Variants in BRMS1 observed in about 807,000 individuals in gnomAD.
The protein encoded by BRMS1 is breast cancer metastasis-suppressor 1.
In BRMS1, 26 loss-of-function variants were observed where a neutral mutation model predicts 40.4. The ratio of observed to expected loss-of-function variants is 0.64; its 90% CI spans 0.47 to 0.89. The LOEUF is 0.89. BRMS1 is among the 40% of genes least tolerant of loss of function. BRMS1 has a pLI of 0.00. For missense variants in BRMS1, 289 were observed against 309.4 expected (o/e 0.93, Z 0.49); for synonymous variants, 103 against 116.0 (o/e 0.89, Z 0.72).
chr11:66,341,638 C>A lies in BRMS1; in HGVS notation c.140-15G>T. 6.2e-7 allele frequency: 1 copy of A among 1,612,240 alleles called. No individual in the cohort carries two copies. Among genetic ancestry groups the A allele is most frequent in the Non-Finnish European group, 8.5e-7 (1 of 1,178,534 alleles). ...ATCATCCATCTCTGGGACAAGAGGC[C>A]AGTAAGGGCTAGCTCTGGGGAGGAG... On this transcript the variant is annotated splice_polypyrimidine_tract_variant and intron_variant, in intron 2 of 9. Coordinates refer to ENST00000359957, the MANE Select transcript of BRMS1 (RefSeq NM_015399.4). This position sits in a 1 kb window ranked among gnomAD's most constrained non-coding sequence, Gnocchi z 4.9.
At chr11:66,343,835 G>A (rs1453942459) in intron 1 of BRMS1, among the ~76,000 whole-genome samples, 1 of 138,406 alleles carries the variant, frequency 7.2e-6, no homozygotes, top group Non-Finnish European at 1.6e-5. Context: ...CCCTACAAAG[G>A]AGGAGGCAAA....
intron 8 of BRMS1, 48 bp downstream of exon 8, chr11:66,338,673 G>C (rs766794242): frequency 3.1e-6 from 5 of 1,613,036 alleles, no homozygotes. Context: ...CTGCCAGGGT[G>C]GGGGGCCCTG....
At position 66,341,757 on chromosome 11, in the gene BRMS1, C is replaced by G; in HGVS notation, c.140-134G>C. On this transcript the variant is annotated intron_variant, in intron 2 of 9. Transcript: ENST00000359957. This position sits in a 1 kb window ranked among gnomAD's most constrained non-coding sequence, Gnocchi z 4.9. ...GCCTGTGTGTGTGTGCGCGTACATG[C>G]TTGTGTGAAGGGGCTGTGTGTGTGC... is the stretch of plus-strand genomic sequence containing the variant. 1 of 802,134 alleles carries G rather than the reference C, an allele frequency of 1.2e-6. No individual in the cohort carries two copies. Among genetic ancestry groups the G allele is most frequent in the South Asian group, 1.4e-5 (1 of 69,908 alleles). The allele number at this position is 802,134 out of a possible 1,614,324, so 49.7% of individuals were successfully genotyped here.
At chr11:66,338,002 C>T (rs1259682609) in intron 9 of BRMS1, 113 bp from the exon 10 acceptor site, 1 of 1,280,806 alleles carries the variant, frequency 7.8e-7, no homozygotes, top group Non-Finnish European at 1.1e-6. Context: ...CTGGGCAGCT[C>T]CACAGCCCTC....
In BRMS1 at chr11:66,341,443, T is replaced by A; in HGVS notation, c.230+90A>T. ...AGCCCGGTGTTAGGCGCGCACTTCC[T>A]GGGCACCAACCACGCCTGCCCAGTA... On this transcript the variant is annotated intron_variant, in intron 3 of 9. Transcript: ENST00000359957. The surrounding 1 kb of genome is among the most constrained non-coding windows in gnomAD (Gnocchi z 4.9). 6.2e-7 allele frequency: 1 copy of A among 1,603,544 alleles called. No individual in the cohort carries two copies. Among genetic ancestry groups the A allele is most frequent in the Non-Finnish European group, 8.5e-7 (1 of 1,171,908 alleles).
rs991148321 is a variant in BRMS1, at chr11:66,342,035, G to C, written c.139+61C>G. 5 of 1,540,216 alleles carry C rather than the reference G, an allele frequency of 3.2e-6. No individual in the cohort carries two copies. In the African/African-American group the frequency reaches 6.8e-5, roughly 21 times the overall value. On this transcript the variant is annotated intron_variant, in intron 2 of 9. Coordinates refer to ENST00000359957, the MANE Select transcript of BRMS1 (RefSeq NM_015399.4). ...GCTTGTGTGTAGGGGCTGTGTGTGT[G>C]CATGTGTGTGTGTAGGGGCTCTGTG...
Position 66,341,171 on chromosome 11 carries a change from TG to T in BRMS1, c.358+34del. ...GAAGGGGACAGGGTGCCACGGGTTC[TG>T]GGAGGGGAAGAGGGTACAGAACCAC... On this transcript the variant is annotated intron_variant, in intron 4 of 9. Coordinates refer to ENST00000359957, the MANE Select transcript of BRMS1 (RefSeq NM_015399.4). This position sits in a 1 kb window ranked among gnomAD's most constrained non-coding sequence, Gnocchi z 4.9. The T allele has an allele frequency of 6.2e-7, 1 of 1,611,216 alleles. No homozygotes were observed. The highest frequency in any genetic ancestry group is 8.5e-7 in the Non-Finnish European group (1 of 1,177,916).
chr11:66,344,021 C>A (rs537376363), intron 1 of BRMS1, among the ~76,000 whole-genome samples: 1 of 152,226 alleles, frequency 6.6e-6, no homozygotes, highest in South Asian at 2.1e-4. Flanking sequence ...TCCAACTTCT[C>A]TGGACACTGC....
chr11:66,338,572 T>C, intron 8 of BRMS1, 149 bp downstream of exon 8: 1 of 1,544,370 alleles, frequency 6.5e-7, no homozygotes. Context: ...GCAAGAGGAC[T>C]TGTGAGCCAA....
intron 8 of BRMS1, 52 bp downstream of exon 8, chr11:66,338,669 G>C (rs756382108): frequency 3.2e-5 from 52 of 1,613,238 alleles, no homozygotes; most frequent in Non-Finnish European, 4.2e-5. Context: ...GCTGCTGCCA[G>C]GGTGGGGGGC....
At position 66,342,748 on chromosome 11, in the gene BRMS1, T is replaced by G. The variant is rs372883174; in HGVS notation, c.-7-507A>C. On this transcript the variant is annotated intron_variant, in intron 1 of 9. Transcript: ENST00000359957. ...CCCAAACTGGACCTAAATTTCTAACTGGGGCTTTCAAGGTCTTTCCCAGAC... is the reference window on the plus strand; with the variant it reads ...CCCAAACTGGACCTAAATTTCTAACGGGGGCTTTCAAGGTCTTTCCCAGAC... 2.0e-4 allele frequency among the ~76,000 whole-genome samples: 31 copies of G among 152,340 alleles called. No individual in the cohort carries two copies. In the East Asian group the frequency reaches 5.8e-3, roughly 28 times the overall value.
intron 1 of BRMS1, among the ~76,000 whole-genome samples, chr11:66,343,299 G>A (rs911117452): frequency 2.0e-5 from 3 of 152,138 alleles, no homozygotes; most frequent in East Asian, 1.9e-4. Context: ...TTGTCTGCTC[G>A]GCAACATCCA....
Position 66,341,872 on chromosome 11 carries a change from G to A in BRMS1, c.139+224C>T, listed in dbSNP as rs1855089339. Reference sequence around the variant, plus strand: ...GCACGTGTACTTGTGTGAAGGGGCTGTGTGTGTGCATACGTGCTTGTGTGT... The same window carrying A: ...GCACGTGTACTTGTGTGAAGGGGCTATGTGTGTGCATACGTGCTTGTGTGT... On this transcript the variant is annotated intron_variant, in intron 2 of 9. Coordinates refer to ENST00000359957, the MANE Select transcript of BRMS1 (RefSeq NM_015399.4). The surrounding 1 kb of genome is among the most constrained non-coding windows in gnomAD (Gnocchi z 4.9). The A allele has an allele frequency of 4.5e-6, 3 of 669,024 alleles. No individual in the cohort carries two copies. In the South Asian group the frequency reaches 5.2e-5, roughly 12 times the overall value. The allele number at this position is 669,024 out of a possible 1,614,324, so 41.4% of individuals were successfully genotyped here.
At chr11:66,343,861 G>A (rs79303546) in intron 1 of BRMS1, among the ~76,000 whole-genome samples, 1 of 8,002 alleles carries the variant, frequency 1.2e-4, no homozygotes, top group East Asian at 0.17. Flanking sequence ...AAGTGGTGGA[G>A]AAAGAGTTTT....
At position 66,341,242 on chromosome 11, in the gene BRMS1, G is replaced by GC. The variant is rs765437527; in HGVS notation, c.321dup (p.Leu108AlafsTer26). ...ATGCGAATCTTGAGGCTCCGCTGCA[G>GC]CCCCCCAAGGGGCTCCGTGTATTCA... On this transcript the variant is annotated frameshift_variant, in exon 4 of 10. Transcript: ENST00000359957. LOFTEE classifies it high-confidence loss of function. The surrounding 1 kb of genome is among the most constrained non-coding windows in gnomAD (Gnocchi z 4.9). The GC allele has an allele frequency of 9.3e-6, 15 of 1,612,908 alleles. No individual in the cohort carries two copies. Among genetic ancestry groups the GC allele is most frequent in the Non-Finnish European group, 9.3e-6 (11 of 1,179,146 alleles).
intron 2 of BRMS1, 69 bp downstream of exon 2, chr11:66,342,025 CTG>C (rs769780057): frequency 1.2e-5 from 18 of 1,487,414 alleles, no homozygotes; most frequent in Admixed American, 5.9e-5. Context: ...TGTGTAGGGG[CTG>C]TGTGTGTGCA....
Position 66,338,444 on chromosome 11 carries a change from G to C in BRMS1, c.694-162C>G, listed in dbSNP as rs773230153. 2.0e-6 allele frequency: 3 copies of C among 1,511,596 alleles called. No homozygotes were observed. In the African/African-American group the frequency reaches 4.1e-5, roughly 21 times the overall value. The allele number at this position is 1,511,596 out of a possible 1,614,324, so 93.6% of individuals were successfully genotyped here. A position where few individuals can be genotyped will look rare whatever the true frequency, so the allele number is the denominator to read the frequency against. ...AGGCAGAGCTCCCATGCTCCTGACT[G>C]CTGGCCAGCTCAGCGGCTCTCCCGC... On this transcript the variant is annotated intron_variant, in intron 8 of 9. Coordinates refer to ENST00000359957, the MANE Select transcript of BRMS1 (RefSeq NM_015399.4).
Position 66,341,113 on chromosome 11 carries a change from A to G in BRMS1, c.359-67T>C. On this transcript the variant is annotated intron_variant, in intron 4 of 9. Transcript: ENST00000359957. The surrounding 1 kb of genome is among the most constrained non-coding windows in gnomAD (Gnocchi z 4.9). ...CCGGTGCCCACATAGGAGGGCTGAG[A>G]GCAAAGGGCAAGGCCGGGCAGGAAC... The G allele has an allele frequency of 1.9e-6, 3 of 1,612,112 alleles. No individual in the cohort carries two copies. Among genetic ancestry groups the G allele is most frequent in the Non-Finnish European group, 2.5e-6 (3 of 1,179,078 alleles).
At chr11:66,338,866 G>T in intron 7 of BRMS1, 81 bp from the exon 8 acceptor site, 1 of 1,387,984 alleles carries the variant, frequency 7.2e-7, no homozygotes, top group Non-Finnish European at 9.8e-7. Context: ...AGGAGTGGGG[G>T]TACAGCGGAC....
Sources: allele counts gnomAD v4.1 joint callset (sites outside exome capture counted in the v4.1 genomes callset), GRCh38; gene constraint gnomAD v4.1.1; non-coding constraint Gnocchi (gnomAD v3.1); transcripts MANE v1.5; gene names NCBI Gene and HGNC (gene_info 2026-07-23, HGNC 2026-07-21).